USP37: variants seen among roughly 807,000 people sequenced by gnomAD.
USP37 encodes the protein ubiquitin carboxyl-terminal hydrolase 37.
A neutral mutation model predicts 124.0 loss-of-function variants in USP37; 27 were observed. The ratio of observed to expected loss-of-function variants is 0.22; its 90% CI spans 0.16 to 0.30. The LOEUF (loss-of-function observed/expected upper bound fraction) is 0.30. Ranked by LOEUF, USP37 falls within the 10% of genes least tolerant of loss-of-function variation. The pLI is 1.00. For missense variants in USP37, 889 were observed against 1,140.4 expected (o/e 0.78, Z 3.17); for synonymous variants, 365 against 388.0 (o/e 0.94, Z 0.70).
chr2:218,500,537 G>A (rs372326515), intron 11 of USP37, among the ~76,000 whole-genome samples: 45 of 152,104 alleles, frequency 3.0e-4, no homozygotes, highest in African/African-American at 8.4e-4. Context: ...ATGAGCCACC[G>A]TGCCCAGCCT....
At chr2:218,506,622 A>G (rs1387705920) in intron 11 of USP37, among the ~76,000 whole-genome samples, 3 of 106,044 alleles carry the variant, frequency 2.8e-5, no homozygotes, top group Admixed American at 9.8e-5. Context: ...TTTTTTTTTC[A>G]TCTTTTTTTC....
Position 218,494,735 on chromosome 2 carries a change from A to C in USP37, c.1472+1025T>G, listed in dbSNP as rs555634771. ...AAATCTATTCAGAGATGTACTACAG[A>C]TGACTGGAAGATTAGTCAAAGTAAA... On this transcript the variant is annotated intron_variant, in intron 14 of 25. Coordinates refer to ENST00000258399, the MANE Select transcript of USP37 (RefSeq NM_020935.3). Among the ~76,000 whole-genome samples, 20 of 152,358 alleles carry C rather than the reference A, an allele frequency of 1.3e-4. 1 individual carries two copies. The highest frequency in any genetic ancestry group is 4.1e-4 in the African/African-American group (17 of 41,588).
intron 1 of USP37, 93 bp from the exon 2 acceptor site, chr2:218,562,906 G>A: frequency 2.6e-6 from 1 of 386,784 alleles, no homozygotes; most frequent in East Asian, 3.6e-5. Context: ...GCTGACGCGA[G>A]TAATCCCAGC....
At position 218,522,724 on chromosome 2, in the gene USP37, C is replaced by G. The variant is rs1251126516; in HGVS notation, c.863+7232G>C. 2.6e-5 allele frequency among the ~76,000 whole-genome samples: 4 copies of G among 151,954 alleles called. No homozygotes were observed. In the East Asian group the frequency reaches 7.7e-4, roughly 29 times the overall value. Reference sequence around the variant, plus strand: ...TGTTTACTTAGGTCTTCCATTATGTCCCTTAGTAATCCTTTTCTTCATAAA... The same window carrying G: ...TGTTTACTTAGGTCTTCCATTATGTGCCTTAGTAATCCTTTTCTTCATAAA... On this transcript the variant is annotated intron_variant, in intron 10 of 25. Coordinates refer to ENST00000258399, the MANE Select transcript of USP37 (RefSeq NM_020935.3).
chr2:218,491,488 C>G (rs1251246036), intron 14 of USP37, among the ~76,000 whole-genome samples: 2 of 152,202 alleles, frequency 1.3e-5, no homozygotes, highest in Non-Finnish European at 2.9e-5. Flanking sequence ...CCTTATGATA[C>G]TCTGAGCTGA....
intron 17 of USP37, among the ~76,000 whole-genome samples, chr2:218,479,972 C>T (rs1691161586): frequency 1.3e-5 from 2 of 151,972 alleles, no homozygotes; most frequent in South Asian, 2.1e-4. Context: ...ATGGTGAAAC[C>T]CTGTCTCTAC....
chr2:218,546,596 T>A (rs1382549597), intron 7 of USP37, among the ~76,000 whole-genome samples: 3 of 152,180 alleles, frequency 2.0e-5, no homozygotes, highest in Non-Finnish European at 4.4e-5. Context: ...TTTTTTTGTA[T>A]TTTTAGTAGA....
intron 24 of USP37, 100 bp from the exon 25 acceptor site, chr2:218,455,818 C>A: frequency 7.8e-7 from 1 of 1,284,958 alleles, no homozygotes. Flanking sequence ...GAGGCTGAGG[C>A]AGGCGGATCA....
At chr2:218,506,273 ACTTT>A in intron 11 of USP37, among the ~76,000 whole-genome samples, 1 of 139,612 alleles carries the variant, frequency 7.2e-6, no homozygotes, top group Non-Finnish European at 1.5e-5. Flanking sequence ...TAGTTCAACT[ACTTT>A]CTTTCTGGCT....
intron 5 of USP37, among the ~76,000 whole-genome samples, chr2:218,552,923 A>G (rs1005959809): frequency 2.7e-5 from 2 of 74,502 alleles, no homozygotes; most frequent in Non-Finnish European, 7.8e-5. Context: ...ATTTCAAAAC[A>G]AACAAACAAA....
At position 218,490,823 on chromosome 2, in the gene USP37, C is replaced by T. The variant is rs559224806; in HGVS notation, c.1473-2402G>A. ...TAATTAAGGTTACTAATCTTAACTT[C>T]GAATGAATCAAAAAGGAGATTATCT... On this transcript the variant is annotated intron_variant, in intron 14 of 25. Transcript: ENST00000258399. Among the ~76,000 whole-genome samples the T allele has an allele frequency of 4.6e-5, 7 of 152,294 alleles. No homozygotes were observed. In the South Asian group the frequency reaches 6.2e-4, roughly 14 times the overall value.
intron 10 of USP37, among the ~76,000 whole-genome samples, chr2:218,522,372 G>A (rs1690702148): frequency 6.6e-6 from 1 of 151,622 alleles, no homozygotes; most frequent in Non-Finnish European, 1.5e-5. Flanking sequence ...AAACCAGCCT[G>A]GCCAACATAG....
chr2:218,559,984 AAAAC>A (rs1214202594), intron 3 of USP37, among the ~76,000 whole-genome samples: 2 of 152,046 alleles, frequency 1.3e-5, no homozygotes, highest in Admixed American at 6.6e-5. Context: ...ACCCTGTCTC[AAAAC>A]AAACAAACAA....
intron 4 of USP37, among the ~76,000 whole-genome samples, chr2:218,556,751 G>A (rs1419713552): frequency 6.6e-6 from 1 of 151,762 alleles, no homozygotes; most frequent in Non-Finnish European, 1.5e-5. Flanking sequence ...GACCTCAGGT[G>A]ATCTGCCCAC....
intron 11 of USP37, among the ~76,000 whole-genome samples, chr2:218,502,734 G>A (rs1689453293): frequency 6.6e-6 from 1 of 152,156 alleles, no homozygotes; most frequent in African/African-American, 2.4e-5. Flanking sequence ...AGAAGAATTA[G>A]ACTGGCATCT....
At position 218,546,955 on chromosome 2, in the gene USP37, G is replaced by A; in HGVS notation, c.566C>T (p.Thr189Ile). ...CAACCCTGATCTAAGAGGTGTTGAA[G>A]TAGATGTCAAAGAAGGAATCGTCCG... ...IARTIPSLTSTSTPLRSGLLE... is the reference protein window; with the variant it reads ...IARTIPSLTSISTPLRSGLLE... Residue 189 changes from threonine (T) to isoleucine (I), a missense_variant, in exon 7 of 26, where the codon ACT becomes ATT. Physicochemically the swap from Thr to Ile is moderately conservative, Grantham distance 89 (BLOSUM62 -1). Around this residue, in one of 3 missense-constraint regions of USP37, gnomAD observed 374 missense variants for 386.0 expected, o/e 0.97. Coordinates refer to ENST00000258399, the MANE Select transcript of USP37 (RefSeq NM_020935.3). The A allele has an allele frequency of 6.2e-7, 1 of 1,612,678 alleles. No homozygotes were observed. The highest frequency in any genetic ancestry group is 1.3e-5 in the African/African-American group (1 of 74,934).
At chr2:218,526,273 C>T (rs1001130735) in intron 10 of USP37, among the ~76,000 whole-genome samples, 4 of 151,936 alleles carry the variant, frequency 2.6e-5, no homozygotes, top group African/African-American at 9.7e-5. Flanking sequence ...GCTCTGTTGC[C>T]CAGGTTAGAG....
intron 4 of USP37, among the ~76,000 whole-genome samples, chr2:218,557,381 AC>A (rs1400709365): frequency 6.6e-6 from 1 of 151,612 alleles, no homozygotes; most frequent in Non-Finnish European, 1.5e-5. Flanking sequence ...TTTGCAAAAA[AC>A]CCTTTCTTTT....
chr2:218,533,027 C>T (rs1013319058), intron 9 of USP37, among the ~76,000 whole-genome samples: 1 of 151,848 alleles, frequency 6.6e-6, no homozygotes, highest in African/African-American at 2.4e-5. Flanking sequence ...TTTTATTGCA[C>T]TGGGAAACCA....
Sources: allele counts gnomAD v4.1 joint callset (sites outside exome capture counted in the v4.1 genomes callset), GRCh38; gene constraint gnomAD v4.1.1; regional missense constraint gnomAD v4.1.1; transcripts MANE v1.5; gene names NCBI Gene and HGNC (gene_info 2026-07-23, HGNC 2026-07-21).